NSA2: variants seen among roughly 807,000 people sequenced by gnomAD.
NSA2 encodes ribosome biogenesis protein NSA2 homolog.
NSA2 carries 18 observed loss-of-function variants against 34.8 expected under a neutral mutation model. The observed-to-expected ratio is 0.52, with a 90% confidence interval of 0.36 to 0.77. The LOEUF (loss-of-function observed/expected upper bound fraction) is 0.77, where lower values mean the gene tolerates loss of function less well. Ranked by LOEUF, NSA2 falls within the 30% of genes least tolerant of loss-of-function variation. NSA2 has a pLI of 0.00. For missense variants in NSA2, 188 were observed against 314.7 expected, an observed-to-expected ratio of 0.60 and a Z score of 3.05; for synonymous variants, 79 against 100.2, an observed-to-expected ratio of 0.79 and a Z score of 1.26.
At chr5:74,772,820 T>C (rs1744988923) in intron 4 of NSA2, among the ~76,000 whole-genome samples, 1 of 152,160 alleles carries the variant, frequency 6.6e-6, no homozygotes, top group Non-Finnish European at 1.5e-5. Flanking sequence ...GATTAATGAG[T>C]CTGTTACTAA....
Position 74,777,193 on chromosome 5 carries a change from C to G in NSA2, c.*522C>G, listed in dbSNP as rs1250282932. ...CTGTGAAATCCAGTACAGCAAAGGT[C>G]TAGTGAATTCACATTCTAAACATTT... On this transcript the variant is annotated 3_prime_UTR_variant, in exon 6 of 6. Transcript: ENST00000610426. 6.6e-6 allele frequency: 1 copy of G among 152,128 alleles called. No individual in the cohort carries two copies. The highest frequency in any genetic ancestry group is 1.9e-4 in the East Asian group (1 of 5,202). The allele number at this position is 152,128 out of a possible 1,614,324, so 9.4% of individuals were successfully genotyped here.
chr5:74,769,190 T>G (rs1744833378), intron 2 of NSA2, 24 bp from the exon 3 acceptor site: 1 of 1,594,866 alleles, frequency 6.3e-7, no homozygotes, highest in Non-Finnish European at 8.5e-7. Context: ...CAGATAATCT[T>G]GAATCTTTTT....
At chr5:74,774,831 T>G (rs1745059010) in intron 5 of NSA2, among the ~76,000 whole-genome samples, 1 of 152,242 alleles carries the variant, frequency 6.6e-6, no homozygotes, top group South Asian at 2.1e-4. Context: ...CTTTATATTA[T>G]GTAAATACTT....
rs1554044975 is a variant in NSA2 at position 74,777,303 on chromosome 5, G to GTCT, written c.*634_*636dup. The stretch of plus-strand genomic sequence containing the variant: ...ATGAAAATGAAAAAAATATACTAAA[G>GTCT]TCTTTGTACTCTCTTAGCATTTTCT... On this transcript the variant is annotated 3_prime_UTR_variant, in exon 6 of 6. Transcript: ENST00000610426. The GTCT allele has an allele frequency of 1.3e-5, 2 of 151,888 alleles. No individual in the cohort carries two copies. Among genetic ancestry groups the GTCT allele is most frequent in the Non-Finnish European group, 1.5e-5 (1 of 67,962 alleles). The allele number at this position is 151,888 out of a possible 1,614,324, so 9.4% of individuals were successfully genotyped here.
chr5:74,776,593 GT>G lies in NSA2; in HGVS notation c.716-7del. 1 of 1,515,172 alleles carries G rather than the reference GT, an allele frequency of 6.6e-7. No homozygotes were observed. Among genetic ancestry groups the G allele is most frequent in the Non-Finnish European group, 9.1e-7 (1 of 1,093,208 alleles). The allele number at this position is 1,515,172 out of a possible 1,614,324, so 93.9% of individuals were successfully genotyped here. On this transcript the variant is annotated splice_polypyrimidine_tract_variant and intron_variant, in intron 5 of 5. Coordinates refer to ENST00000610426, the MANE Select transcript of NSA2 (RefSeq NM_014886.6). ...CCTCCCTTTTCCCTTTTTTGGTTTT[GT>G]TTTCCTTAGGAAAATATGCCCAGGT...
chr5:74,774,531 G>C (rs2112423899), intron 5 of NSA2, among the ~76,000 whole-genome samples: 1 of 152,282 alleles, frequency 6.6e-6, no homozygotes, highest in Middle Eastern at 3.4e-3. Flanking sequence ...TTGAACTCAG[G>C]AGGCGGAGCT....
At chr5:74,776,326 C>T (rs542893937) in intron 5 of NSA2, among the ~76,000 whole-genome samples, 1 of 152,166 alleles carries the variant, frequency 6.6e-6, no homozygotes, top group South Asian at 2.1e-4. Context: ...ATGGCAAAAC[C>T]ACATCTCTAC....
intron 5 of NSA2, among the ~76,000 whole-genome samples, chr5:74,774,776 A>G (rs1447848229): frequency 6.6e-6 from 1 of 152,256 alleles, no homozygotes; most frequent in Non-Finnish European, 1.5e-5. Context: ...GTATTAGCCA[A>G]TGACTAAAGA....
At position 74,770,697 on chromosome 5, in the gene NSA2, C is replaced by T. The variant is rs929696691; in HGVS notation, c.409C>T (p.Arg137Ter). ...QGETEVLKVI[R>*]TGKRKKKAWK... ...AGAAACAGAAGTATTAAAAGTTATTCGAACAGGAAAGAGAAAGAAGAAGGC... is the reference window on the plus strand; with the variant it reads ...AGAAACAGAAGTATTAAAAGTTATTTGAACAGGAAAGAGAAAGAAGAAGGC... The change falls in exon 4 of 6, where the codon CGA becomes TGA. Residue 137 changes from arginine to a stop codon, truncating the protein, a stop_gained. Coordinates refer to ENST00000610426, the MANE Select transcript of NSA2 (RefSeq NM_014886.6). LOFTEE classifies it high-confidence loss of function. 4.3e-6 allele frequency: 7 copies of T among 1,612,440 alleles called. No homozygotes were observed. Among genetic ancestry groups the T allele is most frequent in the South Asian group, 1.1e-5 (1 of 90,854 alleles).
chr5:74,775,769 C>CAGTA (rs1026883359), intron 5 of NSA2, among the ~76,000 whole-genome samples: 5 of 151,806 alleles, frequency 3.3e-5, no homozygotes, highest in Non-Finnish European at 5.9e-5. Context: ...CACACTAGAT[C>CAGTA]AGTAATAATT....
chr5:74,775,149 G>T (rs1052540312), intron 5 of NSA2, among the ~76,000 whole-genome samples: 4 of 152,230 alleles, frequency 2.6e-5, no homozygotes, highest in Non-Finnish European at 4.4e-5. Context: ...CTGGGAGGTG[G>T]AGCTTGCAGT....
At chr5:74,771,308 G>T (rs913238164) in intron 4 of NSA2, among the ~76,000 whole-genome samples, 1 of 151,834 alleles carries the variant, frequency 6.6e-6, no homozygotes, top group South Asian at 2.1e-4. Flanking sequence ...TTTCAGCTTC[G>T]TGAGAGATTT....
chr5:74,774,179 C>A, intron 5 of NSA2, 119 bp downstream of exon 5: 1 of 576,238 alleles, frequency 1.7e-6, no homozygotes. Flanking sequence ...AGCTAAAACA[C>A]TGTAAATCAG....
intron 4 of NSA2, 34 bp from the exon 5 acceptor site, chr5:74,773,834 C>T (rs754746079): frequency 9.6e-6 from 15 of 1,555,156 alleles, no homozygotes; most frequent in African/African-American, 5.5e-5. Context: ...ACATTTTGGA[C>T]GTAAACATTC....
intron 5 of NSA2, among the ~76,000 whole-genome samples, chr5:74,775,312 G>A (rs114318015): frequency 0.018 from 2,731 of 152,078 alleles, 101 homozygotes; most frequent in African/African-American, 0.062. Flanking sequence ...GAAGCTTCCA[G>A]GCTTTAAAAA....
At chr5:74,769,148 A>G (rs1222155715) in intron 2 of NSA2, 30 bp downstream of exon 2, 6 of 1,595,158 alleles carry the variant, frequency 3.8e-6, no homozygotes, top group Non-Finnish European at 5.1e-6. Context: ...TGTCATAACA[A>G]GTTAACATCT....
At chr5:74,769,614 A>C (rs1744852381) in intron 3 of NSA2, 1 of 328,084 alleles carries the variant, frequency 3.0e-6, no homozygotes, top group African/African-American at 2.2e-5. Context: ...TGAATTTCAA[A>C]TTCAATATTT....
At chr5:74,770,950 A>T in intron 4 of NSA2, 140 bp downstream of exon 4, 2 of 746,866 alleles carry the variant, frequency 2.7e-6, no homozygotes, top group Non-Finnish European at 4.1e-6. Context: ...TTGTTATTTT[A>T]TTGACAGAAG....
Position 74,770,798 on chromosome 5 carries a change from C to G in NSA2, c.510C>G (p.Phe170Leu). The change falls in exon 4 of 6, where the codon TTC becomes TTG. Residue 170 changes from phenylalanine to leucine, a missense_variant. Coordinates refer to ENST00000610426, the MANE Select transcript of NSA2 (RefSeq NM_014886.6). ...FTRKPPKYER[F>L]IRPMGLRFKK... ...GAAAACCACCTAAATATGAAAGATT[C>G]ATCAGGCCAATGGTAAGTCCTTGGA... The G allele has an allele frequency of 1.9e-6, 3 of 1,607,090 alleles. No individual in the cohort carries two copies. Among genetic ancestry groups the G allele is most frequent in the Non-Finnish European group, 2.5e-6 (3 of 1,177,638 alleles).
Sources: gnomAD v4.1 joint callset for allele counts (sites outside exome capture counted in the v4.1 genomes callset) on GRCh38, gnomAD v4.1.1 for gene constraint, MANE v1.5 for transcripts, NCBI Gene and HGNC (gene_info 2026-07-23, HGNC 2026-07-21) for gene names.